TXNDC5: variants seen among roughly 807,000 people sequenced by gnomAD.
TXNDC5 encodes thioredoxin domain containing 5.
TXNDC5 carries 44 observed loss-of-function variants against 52.6 expected under a neutral mutation model. The ratio of observed to expected loss-of-function variants is 0.84; its 90% CI spans 0.66 to 1.08. TXNDC5 has a LOEUF of 1.08. TXNDC5 is among the 50% of genes least tolerant of loss of function. The probability of loss-of-function intolerance (pLI) is 0.00; values close to 1 mark genes in which losing one functional copy is unlikely to be tolerated. For synonymous variants in TXNDC5, 241 were observed against 234.4 expected (o/e 1.03, Z -0.26); for missense variants, 600 against 565.5 (o/e 1.06, Z -0.62).
chr6:7,891,825 C>T, intron 4 of TXNDC5, 89 bp from the exon 5 acceptor site: 1 of 895,066 alleles, frequency 1.1e-6, no homozygotes, highest in Non-Finnish European at 1.8e-6. Context: ...AGAATCAGAT[C>T]TTTGTCCTGC....
intron 5 of TXNDC5, 82 bp downstream of exon 5, chr6:7,891,539 C>T: frequency 1.7e-6 from 2 of 1,151,194 alleles, no homozygotes; most frequent in Non-Finnish European, 2.5e-6. Context: ...CGACTTTGCA[C>T]ACGGAATGAA....
intron 4 of TXNDC5, among the ~76,000 whole-genome samples, chr6:7,893,238 G>A (rs991969541): frequency 2.6e-5 from 4 of 152,200 alleles, no homozygotes; most frequent in Non-Finnish European, 5.9e-5. Flanking sequence ...GTGGCCTGGC[G>A]TCTGAGCAGG....
At chr6:7,910,009 G>A (rs1264656145) in intron 1 of TXNDC5, 3 of 986,014 alleles carry the variant, frequency 3.0e-6, no homozygotes, top group Non-Finnish European at 2.4e-6. Context: ...TTGGACTCCC[G>A]GCTGCCCGAA....
rs538938870 is a variant in TXNDC5, at chr6:7,891,063, A to G, written c.732+558T>C. ...TGCATGGTGTCTGGTGGGTGCTGGA[A>G]AGTGTAGAAGAATAAAAGTGATGTC... On this transcript the variant is annotated intron_variant, in intron 5 of 9. Coordinates refer to ENST00000379757, the MANE Select transcript of TXNDC5 (RefSeq NM_030810.5). Among the ~76,000 whole-genome samples the G allele has an allele frequency of 9.3e-4, 142 of 152,342 alleles. 1 individual carries two copies. The highest frequency in any genetic ancestry group is 3.1e-3 in the African/African-American group (127 of 41,570).
At chr6:7,901,642 C>T (rs1327024633) in intron 2 of TXNDC5, among the ~76,000 whole-genome samples, 1 of 152,194 alleles carries the variant, frequency 6.6e-6, no homozygotes, top group Non-Finnish European at 1.5e-5. Flanking sequence ...GACTTCAATT[C>T]TCACTGTCGA....
intron 9 of TXNDC5, among the ~76,000 whole-genome samples, chr6:7,883,907 T>A (rs545895156): frequency 6.2e-4 from 94 of 152,318 alleles, no homozygotes; most frequent in Non-Finnish European, 1.1e-3. Flanking sequence ...AGGACCGACT[T>A]GCTGGCATGG....
chr6:7,903,389 T>C (rs1488005371), intron 2 of TXNDC5, among the ~76,000 whole-genome samples: 1 of 152,208 alleles, frequency 6.6e-6, no homozygotes, highest in Non-Finnish European at 1.5e-5. Context: ...GGGTCCTTTG[T>C]GGAAACGCCC....
chr6:7,888,630 C>T, intron 7 of TXNDC5, 75 bp downstream of exon 7: 1 of 1,524,006 alleles, frequency 6.6e-7, no homozygotes, highest in Non-Finnish European at 8.8e-7. Context: ...TTTGAGGAGG[C>T]CTCTGAGGGT....
intron 7 of TXNDC5, among the ~76,000 whole-genome samples, chr6:7,886,753 C>T (rs1340960557): frequency 6.6e-6 from 1 of 152,132 alleles, no homozygotes; most frequent in Non-Finnish European, 1.5e-5. Flanking sequence ...AATGGATCTG[C>T]GATTCTCTCC....
intron 3 of TXNDC5, among the ~76,000 whole-genome samples, chr6:7,898,871 CTCCT>C (rs1404866600): frequency 6.6e-6 from 1 of 152,106 alleles, no homozygotes; most frequent in African/African-American, 2.4e-5. Flanking sequence ...AGTCTACAAT[CTCCT>C]GATATTAGCC....
At chr6:7,906,133 T>A (rs545977918) in intron 1 of TXNDC5, among the ~76,000 whole-genome samples, 24 of 148,156 alleles carry the variant, frequency 1.6e-4, no homozygotes, top group African/African-American at 6.4e-4. Flanking sequence ...CCTAGCTACC[T>A]GGGAGGCTGA....
chr6:7,891,581 A>T (rs766144012), intron 5 of TXNDC5, 40 bp downstream of exon 5: 10 of 1,551,846 alleles, frequency 6.4e-6, no homozygotes, highest in Non-Finnish European at 8.9e-6. Context: ...AATCCAGCCC[A>T]AAGCAGTCCA....
rs774823869 is a variant in TXNDC5 at position 7,883,169 on chromosome 6, A to G, written c.1274T>C (p.Leu425Pro). The part of the protein sequence containing the change: ...RDLDSLHRFV[L>P]SQAKDEL Reference sequence around the variant, plus strand: ...CTAAAGTTCGTCTTTCGCTTGGCTCAGGACAAAGCGGTGTAACGAGTCAAG... The same window carrying G: ...CTAAAGTTCGTCTTTCGCTTGGCTCGGGACAAAGCGGTGTAACGAGTCAAG... The change falls in exon 10 of 10, where the codon CTG (leucine) becomes CCG (proline). Residue 425 changes from leucine to proline, a missense_variant. Physicochemically the swap from Leu to Pro is moderately conservative, Grantham distance 98. Coordinates refer to ENST00000379757, the MANE Select transcript of TXNDC5 (RefSeq NM_030810.5). 6.2e-7 allele frequency: 1 copy of G among 1,614,210 alleles called. No homozygotes were observed.
intron 1 of TXNDC5, chr6:7,909,903 A>T (rs1760857828): frequency 7.1e-6 from 7 of 985,908 alleles, no homozygotes; most frequent in Non-Finnish European, 4.8e-6. Flanking sequence ...GGCAGCAGCA[A>T]GGCCGCTCTG....
Position 7,884,470 on chromosome 6 carries a change from A to G in TXNDC5, c.1065T>C (p.Thr355=). The change falls in exon 9 of 10, where the codon ACT becomes ACC. Residue 355 remains threonine (T), a synonymous_variant. Transcript: ENST00000379757. ...AGAGTTCCTCCCAAGTAGGAGCCAGAGTCTTACAATGACCACACCTAAGAC... is the reference window on the plus strand; with the variant it reads ...AGAGTTCCTCCCAAGTAGGAGCCAGGGTCTTACAATGACCACACCTAAGAC... ...FYAPWCGHCK[T]LAPTWEELSK... The G allele has an allele frequency of 6.2e-7, 1 of 1,614,156 alleles. No homozygotes were observed. The highest frequency in any genetic ancestry group is 8.5e-7 in the Non-Finnish European group (1 of 1,179,986).
intron 7 of TXNDC5, among the ~76,000 whole-genome samples, chr6:7,886,374 G>A (rs763046366): frequency 6.6e-5 from 10 of 152,232 alleles, no homozygotes; most frequent in South Asian, 2.1e-4. Flanking sequence ...TCTCCAGGGC[G>A]CTGTGGTGTG....
Position 7,882,980 on chromosome 6 carries a change from G to C in TXNDC5, c.*164C>G, listed in dbSNP as rs1759820334. 3 of 824,762 alleles carry C rather than the reference G, an allele frequency of 3.6e-6. No homozygotes were observed. Among genetic ancestry groups the C allele is most frequent in the African/African-American group, 3.4e-5 (2 of 58,012 alleles). The allele number at this position is 824,762 out of a possible 1,614,324, so 51.1% of individuals were successfully genotyped here. A position where few individuals can be genotyped will look rare whatever the true frequency, so the allele number is the denominator to read the frequency against. Reference sequence around the variant, plus strand: ...AACTTAACTTAATAAAGAATCTGTAGAGTGTGTTGGCTTGGAAAACACACA... The same window carrying C: ...AACTTAACTTAATAAAGAATCTGTACAGTGTGTTGGCTTGGAAAACACACA... On this transcript the variant is annotated 3_prime_UTR_variant, in exon 10 of 10. Coordinates refer to ENST00000379757, the MANE Select transcript of TXNDC5 (RefSeq NM_030810.5).
chr6:7,907,677 GCTC>G (rs927627083), intron 1 of TXNDC5, among the ~76,000 whole-genome samples: 9 of 152,138 alleles, frequency 5.9e-5, no homozygotes, highest in African/African-American at 1.9e-4. Context: ...TTCTATCTGA[GCTC>G]CAAACGCTCA....
intron 9 of TXNDC5, 130 bp from the exon 10 acceptor site, chr6:7,883,396 A>G: frequency 1.5e-6 from 2 of 1,332,116 alleles, no homozygotes; most frequent in Non-Finnish European, 2.0e-6. Context: ...TTAAAGGTGT[A>G]TATTCCATTA....
Sources: allele counts gnomAD v4.1 joint callset (sites outside exome capture counted in the v4.1 genomes callset), GRCh38; gene constraint gnomAD v4.1.1; transcripts MANE v1.5; gene names NCBI Gene and HGNC (gene_info 2026-07-23, HGNC 2026-07-21).